The following ENTHD1 variants were observed in gnomAD, a reference collection of about 807,000 sequenced individuals.
ENTHD1 encodes the protein ENTH domain-containing protein 1.
ENTHD1 carries 23 observed loss-of-function variants against 39.1 expected under a neutral mutation model. The observed-to-expected ratio is 0.59, with a 90% CI of 0.42 to 0.83. The LOEUF (loss-of-function observed/expected upper bound fraction) is 0.83. ENTHD1 is among the 40% of genes least tolerant of loss of function. The pLI, the probability that ENTHD1 is intolerant of heterozygous loss-of-function variation, is 0.00. For synonymous variants in ENTHD1, 230 were observed against 258.2 expected (o/e 0.89, Z 1.05); for missense variants, 624 against 705.4 (o/e 0.88, Z 1.31).
intron 5 of ENTHD1, among the ~76,000 whole-genome samples, chr22:39,771,805 G>A (rs1601583780): frequency 6.6e-6 from 1 of 152,202 alleles, no homozygotes; most frequent in East Asian, 1.9e-4. Context: ...CTAAGAGAAT[G>A]AATTGCCCGT....
At chr22:39,773,034 AG>A (rs1168822445) in intron 5 of ENTHD1, among the ~76,000 whole-genome samples, 1 of 148,322 alleles carries the variant, frequency 6.7e-6, no homozygotes, top group Non-Finnish European at 1.5e-5. Flanking sequence ...CTGTAATCCC[AG>A]CATTTTGGGA....
chr22:39,838,880 T>C (rs921715593), intron 3 of ENTHD1, among the ~76,000 whole-genome samples: 5 of 152,116 alleles, frequency 3.3e-5, no homozygotes, highest in African/African-American at 1.2e-4. Context: ...AATAAACATA[T>C]GACTTCAGAG....
rs2066198013 is a variant in ENTHD1, at chr22:39,867,732, G to T, written c.350-5725C>A. ...CAGGATAGAAAACCTTCAGTTGGTT[G>T]CAGTGAGCCGAGATCGCGCCATTGC... On this transcript the variant is annotated intron_variant, in intron 2 of 6. Transcript: ENST00000325157. The surrounding 1 kb of genome is among the most constrained non-coding windows in gnomAD (Gnocchi z 4.5). 6.6e-6 allele frequency among the ~76,000 whole-genome samples: 1 copy of T among 151,976 alleles called. No individual in the cohort carries two copies. Among genetic ancestry groups the T allele is most frequent in the Non-Finnish European group, 1.5e-5 (1 of 68,004 alleles).
chr22:39,852,671 G>GCAATTGTAACACAAGGA (rs1200599486), intron 3 of ENTHD1, among the ~76,000 whole-genome samples: 4 of 152,136 alleles, frequency 2.6e-5, no homozygotes, highest in African/African-American at 9.7e-5. Flanking sequence ...AATGTGGTAG[G>GCAATTGTAACACAAGGA]CAATTGTAAC....
At chr22:39,789,221 T>C (rs990712747) in intron 5 of ENTHD1, among the ~76,000 whole-genome samples, 1 of 152,214 alleles carries the variant, frequency 6.6e-6, no homozygotes, top group Non-Finnish European at 1.5e-5. Flanking sequence ...CTGATTTCAA[T>C]ACCTTTGGAT....
chr22:39,813,521 C>G (rs1427525658), intron 5 of ENTHD1, among the ~76,000 whole-genome samples: 1 of 152,180 alleles, frequency 6.6e-6, no homozygotes, highest in Non-Finnish European at 1.5e-5. Flanking sequence ...AAACCTGTAA[C>G]TATCCATATA....
intron 5 of ENTHD1, among the ~76,000 whole-genome samples, chr22:39,793,777 G>A (rs561722208): frequency 6.6e-6 from 1 of 152,082 alleles, no homozygotes; most frequent in South Asian, 2.1e-4. Context: ...GTAAATACAT[G>A]GATTTATTTC....
intron 5 of ENTHD1, among the ~76,000 whole-genome samples, chr22:39,814,346 G>A (rs2065717323): frequency 6.6e-6 from 1 of 151,264 alleles, no homozygotes; most frequent in East Asian, 1.9e-4. Context: ...TGTAGTCCCA[G>A]CTACTTGGGA....
intron 5 of ENTHD1, among the ~76,000 whole-genome samples, chr22:39,808,299 C>T (rs185359805): frequency 6.6e-6 from 1 of 152,280 alleles, no homozygotes; most frequent in East Asian, 1.9e-4. Context: ...CGTGTCCTCT[C>T]CCTATCCTGA....
At position 39,811,993 on chromosome 22, in the gene ENTHD1, CAA is replaced by C. The variant is rs1486158537; in HGVS notation, c.832+8998_832+8999del. ...GACCCCATCTCATAAAAAACAAAAA[CAA>C]AAACAAACAAACAAACAAACAAAAA... On this transcript the variant is annotated intron_variant, in intron 5 of 6. Coordinates refer to ENST00000325157, the MANE Select transcript of ENTHD1 (RefSeq NM_152512.4). Among the ~76,000 whole-genome samples, 12 of 85,228 alleles carry C rather than the reference CAA, an allele frequency of 1.4e-4. No homozygotes were observed. In the East Asian group the frequency reaches 1.9e-3, roughly 14 times the overall value. The allele number at this position is 85,228 out of a possible 152,430, so 55.9% of individuals were successfully genotyped here. A position where few individuals can be genotyped will look rare whatever the true frequency, so the allele number is the denominator to read the frequency against.
chr22:39,784,582 A>ACT (rs1555925624), intron 5 of ENTHD1, among the ~76,000 whole-genome samples: 3,069 of 145,004 alleles, frequency 0.021, 86 homozygotes, highest in African/African-American at 0.049. Flanking sequence ...ACACACACAC[A>ACT]CTAGAATATT....
chr22:39,881,921 C>CT (rs2146766761), intron 2 of ENTHD1, among the ~76,000 whole-genome samples: 1 of 152,232 alleles, frequency 6.6e-6, no homozygotes, highest in South Asian at 2.1e-4. Context: ...CCAAGAAAGC[C>CT]TTTTTTTCTA....
intron 2 of ENTHD1, chr22:39,875,370 G>A: frequency 7.2e-6 from 10 of 1,392,278 alleles, no homozygotes; most frequent in Non-Finnish European, 9.2e-6. Context: ...GGCGCGCTGC[G>A]GCCCTTGGTG....
chr22:39,886,647 A>T lies in ENTHD1; in HGVS notation c.349+753T>A, dbSNP rs548661836. 6.6e-5 allele frequency among the ~76,000 whole-genome samples: 10 copies of T among 152,294 alleles called. No homozygotes were observed. In the East Asian group the frequency reaches 1.9e-3, roughly 29 times the overall value. On this transcript the variant is annotated intron_variant, in intron 2 of 6. Transcript: ENST00000325157. ...CTTCTCATGATTCATAAGACTATTC[A>T]TTTTGAACACAAATTATAATTCTAC...
intron 6 of ENTHD1, among the ~76,000 whole-genome samples, chr22:39,763,930 C>T (rs1037551029): frequency 6.6e-6 from 1 of 152,120 alleles, no homozygotes; most frequent in African/African-American, 2.4e-5. Flanking sequence ...ATAACCAGTA[C>T]TAACAGGTTT....
intron 3 of ENTHD1, among the ~76,000 whole-genome samples, chr22:39,846,588 T>C (rs2146695656): frequency 6.6e-6 from 1 of 152,306 alleles, no homozygotes; most frequent in Non-Finnish European, 1.5e-5. Flanking sequence ...TGGTAATGCC[T>C]AGGTTTTCTT....
intron 2 of ENTHD1, among the ~76,000 whole-genome samples, chr22:39,866,926 G>A (rs1018678004): frequency 4.6e-5 from 7 of 151,100 alleles, no homozygotes; most frequent in African/African-American, 1.5e-4. Flanking sequence ...TTTTTGAGAC[G>A]GAGTCTCGCT....
intron 5 of ENTHD1, among the ~76,000 whole-genome samples, chr22:39,789,869 T>C (rs1392748989): frequency 6.6e-6 from 1 of 151,886 alleles, no homozygotes; most frequent in Non-Finnish European, 1.5e-5. Flanking sequence ...GGTGGGGCAG[T>C]GTGACTGTTT....
chr22:39,758,946 C>T (rs940077645), intron 6 of ENTHD1, among the ~76,000 whole-genome samples: 2 of 152,044 alleles, frequency 1.3e-5, no homozygotes, highest in African/African-American at 2.4e-5. Flanking sequence ...CCTTATAATT[C>T]GGGGAAAAAT....
Sources: gnomAD v4.1 joint callset for allele counts (sites outside exome capture counted in the v4.1 genomes callset) on GRCh38, gnomAD v4.1.1 for gene constraint, Gnocchi (gnomAD v3.1) non-coding constraint, MANE v1.5 for transcripts, NCBI Gene and HGNC (gene_info 2026-07-23, HGNC 2026-07-21) for gene names.